FAM98B: variants seen among roughly 807,000 people sequenced by gnomAD.
FAM98B encodes tRNA-splicing ligase complex subunit FAM98B.
A neutral mutation model predicts 43.9 loss-of-function variants in FAM98B; 32 were observed. That is an observed-to-expected ratio of 0.73 (90% confidence interval 0.55 to 0.98). FAM98B has a LOEUF of 0.98. FAM98B is among the 50% of genes least tolerant of loss of function. The pLI, the probability that FAM98B is intolerant of heterozygous loss-of-function variation, is 0.00. For missense variants in FAM98B, 514 were observed against 522.9 expected, an observed-to-expected ratio of 0.98 and a Z score of 0.17; for synonymous variants, 190 against 174.0, an observed-to-expected ratio of 1.09 and a Z score of -0.72.
intron 7 of FAM98B, 104 bp downstream of exon 7, chr15:38,481,563 G>GA (rs1163016963): frequency 1.9e-6 from 3 of 1,612,074 alleles, no homozygotes; most frequent in Admixed American, 1.7e-5. Flanking sequence ...TAAATGTTTA[G>GA]AAAAAAGAGT....
chr15:38,461,691 A>C (rs1442967429), intron 1 of FAM98B, among the ~76,000 whole-genome samples: 1 of 152,154 alleles, frequency 6.6e-6, no homozygotes, highest in African/African-American at 2.4e-5. Flanking sequence ...AGAGAATTCA[A>C]AGAAAAAGAA....
At chr15:38,476,599 G>T in intron 6 of FAM98B, among the ~76,000 whole-genome samples, 1 of 142,726 alleles carries the variant, frequency 7.0e-6, no homozygotes, top group African/African-American at 2.6e-5. Context: ...TTGAATTTTT[G>T]TTTCTGCAAT....
chr15:38,462,021 A>T (rs1391453560), intron 1 of FAM98B, among the ~76,000 whole-genome samples: 1 of 152,226 alleles, frequency 6.6e-6, no homozygotes, highest in Non-Finnish European at 1.5e-5. Flanking sequence ...AGTGTCCTTT[A>T]GTAGATGCCG....
At chr15:38,466,701 C>A (rs1890039244) in intron 3 of FAM98B, among the ~76,000 whole-genome samples, 1 of 152,100 alleles carries the variant, frequency 6.6e-6, no homozygotes. Flanking sequence ...ATGGTGACGT[C>A]ATAGAACTGT....
At position 38,473,554 on chromosome 15, in the gene FAM98B, T is replaced by C. The variant is rs1437187006; in HGVS notation, c.581T>C (p.Leu194Pro). 6.2e-7 allele frequency: 1 copy of C among 1,611,254 alleles called. No homozygotes were observed. The highest frequency in any genetic ancestry group is 8.5e-7 in the Non-Finnish European group (1 of 1,178,780). Residue 194 changes from leucine (L) to proline (P), a missense_variant, in exon 5 of 8, where the codon CTG becomes CCG. Leu to Pro is a moderately conservative substitution (Grantham distance 98). Coordinates refer to ENST00000397609, the MANE Select transcript of FAM98B (RefSeq NM_173611.4). ...KVQKNHVGKP[L>P]LKMDLNSEQA... ...CAGAAAAATCATGTGGGAAAACCACTGCTGAAAATGGATTTAAATTCAGAA... is the reference window on the plus strand; with the variant it reads ...CAGAAAAATCATGTGGGAAAACCACCGCTGAAAATGGATTTAAATTCAGAA...
rs1454465033 is a variant in FAM98B, at chr15:38,486,566, G to C, written c.*1907G>C. On this transcript the variant is annotated 3_prime_UTR_variant, in exon 8 of 8. Transcript: ENST00000397609. The stretch of plus-strand genomic sequence containing the variant: ...ATTAGATTTTCCATAAGATTTCTTT[G>C]TACCTTTATAGGAGTGCTGCTTGGG... 6.6e-6 allele frequency: 1 copy of C among 152,028 alleles called. No individual in the cohort carries two copies. Among genetic ancestry groups the C allele is most frequent in the Non-Finnish European group, 1.5e-5 (1 of 67,952 alleles). 9.4% of individuals were successfully genotyped at this position (152,028 alleles called of 1,614,324 possible).
chr15:38,455,945 T>A (rs1889841365), intron 1 of FAM98B, among the ~76,000 whole-genome samples: 1 of 152,228 alleles, frequency 6.6e-6, no homozygotes, highest in East Asian at 1.9e-4. Flanking sequence ...GTTTGAATTC[T>A]CCTATGATAA....
Position 38,460,927 on chromosome 15 carries a change from C to T in FAM98B, c.72-3105C>T, listed in dbSNP as rs114512656. 5.5e-3 allele frequency among the ~76,000 whole-genome samples: 837 copies of T among 152,244 alleles called. 4 individuals carry two copies. The highest frequency in any genetic ancestry group is 0.019 in the African/African-American group (796 of 41,534). On this transcript the variant is annotated intron_variant, in intron 1 of 7. Coordinates refer to ENST00000397609, the MANE Select transcript of FAM98B (RefSeq NM_173611.4). ...TTATATAAATTGTTTAGCACTGACC[C>T]AACATACAGTTAGCACTTTCTAAAT...
chr15:38,466,998 A>T (rs781076117), intron 3 of FAM98B, among the ~76,000 whole-genome samples: 2 of 152,184 alleles, frequency 1.3e-5, no homozygotes, highest in Non-Finnish European at 2.9e-5. Context: ...TTGAAAAACT[A>T]AATTGGCTCT....
At chr15:38,475,206 G>A (rs937485414) in intron 6 of FAM98B, among the ~76,000 whole-genome samples, 1 of 152,050 alleles carries the variant, frequency 6.6e-6, no homozygotes, top group African/African-American at 2.4e-5. Context: ...TGGAGGGTTG[G>A]GGGGCAGGGC....
At chr15:38,478,112 C>T (rs1254435089) in intron 6 of FAM98B, among the ~76,000 whole-genome samples, 1 of 152,180 alleles carries the variant, frequency 6.6e-6, no homozygotes, top group African/African-American at 2.4e-5. Flanking sequence ...ATTAAGATTA[C>T]AGAGAAATCC....
chr15:38,464,637 G>C (rs920302796), intron 2 of FAM98B, among the ~76,000 whole-genome samples: 3 of 152,080 alleles, frequency 2.0e-5, no homozygotes, highest in African/African-American at 7.2e-5. Flanking sequence ...AGCTCATAAA[G>C]CTTCTTTAGT....
At chr15:38,476,776 C>G (rs1295056968) in intron 6 of FAM98B, among the ~76,000 whole-genome samples, 2 of 148,090 alleles carry the variant, frequency 1.4e-5, no homozygotes. Context: ...TTCTTGGTCT[C>G]TCCCATGTCG....
chr15:38,474,808 T>G (rs565090314), intron 6 of FAM98B, among the ~76,000 whole-genome samples: 98 of 152,258 alleles, frequency 6.4e-4, no homozygotes, highest in African/African-American at 2.1e-3. Context: ...TCTGTACCCA[T>G]GCTTAGTCTG....
intron 3 of FAM98B, 73 bp downstream of exon 3, chr15:38,465,476 T>G (rs1890015815): frequency 2.9e-6 from 4 of 1,365,990 alleles, no homozygotes; most frequent in Admixed American, 2.4e-5. Flanking sequence ...GATTTATTAA[T>G]GAAGCATTAG....
intron 1 of FAM98B, among the ~76,000 whole-genome samples, chr15:38,457,258 TCTCCTGC>T (rs1389948799): frequency 6.6e-6 from 1 of 152,128 alleles, no homozygotes; most frequent in Non-Finnish European, 1.5e-5. Context: ...CCTCAAATGA[TCTCCTGC>T]CTTGGCTTCT....
At chr15:38,481,829 C>T (rs1425898833) in intron 7 of FAM98B, 3 of 410,504 alleles carry the variant, frequency 7.3e-6, no homozygotes, top group African/African-American at 6.0e-5. Flanking sequence ...AGAGTTTGTG[C>T]TTTAGAGTCA....
At chr15:38,459,350 G>A (rs958743000) in intron 1 of FAM98B, 1 of 467,008 alleles carries the variant, frequency 2.1e-6, no homozygotes, top group Non-Finnish European at 4.3e-6. Context: ...AGTGGTGTTG[G>A]CTTCCTCCTT....
chr15:38,454,568 C>T (rs1290251888), intron 1 of FAM98B, among the ~76,000 whole-genome samples: 2 of 152,236 alleles, frequency 1.3e-5, no homozygotes, highest in African/African-American at 4.8e-5. Context: ...TTTGTGTTGA[C>T]GTAGTTCTGG....
Sources: gnomAD v4.1 joint callset for allele counts (sites outside exome capture counted in the v4.1 genomes callset) on GRCh38, gnomAD v4.1.1 for gene constraint, MANE v1.5 for transcripts, NCBI Gene and HGNC (gene_info 2026-07-23, HGNC 2026-07-21) for gene names.